The following PKP4 variants were observed in gnomAD, a reference collection of about 807,000 sequenced individuals.
PKP4 encodes plakophilin 4, also known as plakophilin-4.
In PKP4, 90 loss-of-function variants were observed where a neutral mutation model predicts 145.1. The ratio of observed to expected loss-of-function variants is 0.62; its 90% CI spans 0.52 to 0.74. The LOEUF is 0.74. Among genes scored for constraint, PKP4 ranks in the 30% least tolerant of loss-of-function variants. PKP4 has a pLI of 0.00. For synonymous variants in PKP4, 563 were observed against 577.2 expected (o/e 0.98, Z 0.35); for missense variants, 1,340 against 1,482.7 (o/e 0.90, Z 1.58).
intron 3 of PKP4, among the ~76,000 whole-genome samples, chr2:158,595,386 G>T (rs1271656859): frequency 6.6e-6 from 1 of 152,170 alleles, no homozygotes; most frequent in African/African-American, 2.4e-5. Flanking sequence ...AATCTGACCT[G>T]CCCACAGGTG....
intron 21 of PKP4, chr2:158,679,029 C>G (rs940771879): frequency 4.3e-6 from 1 of 233,024 alleles, no homozygotes; most frequent in African/African-American, 2.2e-5. Context: ...TCACATTGTT[C>G]TCTTTTGTGT....
rs1230372752 is a variant in PKP4 at position 158,631,930 on chromosome 2, G to T, written c.1331G>T (p.Arg444Leu). The T allele has an allele frequency of 5.6e-6, 9 of 1,613,520 alleles. No homozygotes were observed. The highest frequency in any genetic ancestry group is 2.7e-5 in the African/African-American group (2 of 74,988). ...ELQGSQTALY[R>L]TGSVGIGNLQ... ...CAAGGATCGCAGACGGCGTTGTATC[G>T]CACAGGTTCAGGTGGGCATCAACTC... Residue 444 changes from arginine to leucine, a missense_variant, in exon 8 of 22, where the codon CGC becomes CTC. Physicochemically the swap from Arg to Leu is moderately radical, Grantham distance 102 (BLOSUM62 -2). Transcript: ENST00000389759.
intron 2 of PKP4, among the ~76,000 whole-genome samples, chr2:158,571,548 A>G (rs2105767122): frequency 6.6e-6 from 1 of 152,280 alleles, no homozygotes; most frequent in Admixed American, 6.5e-5. Flanking sequence ...GGGTTGTAGG[A>G]AAATGCAGTA....
intron 2 of PKP4, among the ~76,000 whole-genome samples, chr2:158,534,014 G>GT (rs891454446): frequency 9.4e-5 from 14 of 149,668 alleles, no homozygotes; most frequent in East Asian, 3.9e-4. Context: ...TGGTTTTTTT[G>GT]TTTTTTTTTC....
intron 2 of PKP4, chr2:158,548,773 C>A: frequency 3.4e-6 from 1 of 292,870 alleles, no homozygotes; most frequent in Non-Finnish European, 6.5e-6. Context: ...AGAGACTTGG[C>A]CTGGGCTGAG....
Position 158,468,770 on chromosome 2 carries a change from C to CTTTTTT in PKP4, c.-6+11566_-6+11571dup, listed in dbSNP as rs58577988. Among the ~76,000 whole-genome samples, 316 of 109,886 alleles carry CTTTTTT rather than the reference C, an allele frequency of 2.9e-3. 6 individuals carry two copies. Among genetic ancestry groups the CTTTTTT allele is most frequent in the Non-Finnish European group, 4.0e-3 (227 of 57,070 alleles). The allele number at this position is 109,886 out of a possible 152,430, so 72.1% of individuals were successfully genotyped here. ...TTAGACATTTTCTTTTCTTCTTCTT[C>CTTTTTT]TTTTTTTTTTTTTTTTTTTGAGACA... is the stretch of plus-strand genomic sequence containing the variant. On this transcript the variant is annotated intron_variant, in intron 1 of 21. Coordinates refer to ENST00000389759, the MANE Select transcript of PKP4 (RefSeq NM_003628.6).
rs770946081 is a variant in PKP4 at position 158,631,803 on chromosome 2, C to A, written c.1204C>A (p.Arg402Ser). The A allele has an allele frequency of 7.4e-6, 12 of 1,613,986 alleles. 1 individual carries two copies. The Admixed American group carries it at 1.3e-4, about 18-fold the overall frequency. Reference protein sequence around the residue: ...SQHSQLGQDLRSAVSPDLHIT... With the variant: ...SQHSQLGQDLSSAVSPDLHIT... ...GCATAGTCAGCTTGGGCAAGACCTT[C>A]GTTCTGCCGTGTCTCCCGACTTGCA... The change falls in exon 8 of 22, where the codon CGT (arginine) becomes AGT (serine). Residue 402 changes from arginine (R) to serine (S), a missense_variant. Physicochemically the swap from Arg to Ser is moderately radical, Grantham distance 110 (BLOSUM62 -1). Transcript: ENST00000389759.
intron 17 of PKP4, among the ~76,000 whole-genome samples, chr2:158,672,557 T>C (rs1314086459): frequency 1.3e-5 from 2 of 152,170 alleles, no homozygotes; most frequent in Admixed American, 1.3e-4. Context: ...AGGGTGGCTA[T>C]GTGGGGCAAG....
chr2:158,618,445 A>G (rs1267971110), intron 4 of PKP4, among the ~76,000 whole-genome samples: 2 of 152,170 alleles, frequency 1.3e-5, no homozygotes, highest in Non-Finnish European at 2.9e-5. Flanking sequence ...ATTAAAAAAT[A>G]TATGAAACAC....
rs1031834400 is a variant in PKP4, at chr2:158,681,266, C to T, written c.*589C>T. The T allele has an allele frequency of 6.5e-6, 1 of 153,002 alleles. No individual in the cohort carries two copies. The highest frequency in any genetic ancestry group is 6.5e-5 in the Admixed American group (1 of 15,326). The allele number at this position is 153,002 out of a possible 1,614,324, so 9.5% of individuals were successfully genotyped here. On this transcript the variant is annotated 3_prime_UTR_variant, in exon 22 of 22. Transcript: ENST00000389759. ...GAACTGTGAGCAATTAAAAGCAAAC[C>T]GCGACACCCTTTGTCTCCACCACAC...
intron 1 of PKP4, among the ~76,000 whole-genome samples, chr2:158,484,434 G>T (rs1277499129): frequency 6.6e-6 from 1 of 152,216 alleles, no homozygotes; most frequent in Non-Finnish European, 1.5e-5. Flanking sequence ...AGGCTCTGCT[G>T]TTGCAAGTGT....
At chr2:158,556,049 G>A (rs2046062805) in intron 2 of PKP4, among the ~76,000 whole-genome samples, 1 of 152,158 alleles carries the variant, frequency 6.6e-6, no homozygotes, top group Non-Finnish European at 1.5e-5. Flanking sequence ...ATGAATTAGA[G>A]CCAAGATTCA....
intron 7 of PKP4, among the ~76,000 whole-genome samples, chr2:158,625,937 G>A (rs1454007487): frequency 1.3e-5 from 2 of 152,054 alleles, no homozygotes; most frequent in African/African-American, 2.4e-5. Flanking sequence ...TGCACAAAGC[G>A]CTTATGAATC....
chr2:158,514,509 C>A (rs916956015), intron 1 of PKP4, among the ~76,000 whole-genome samples: 1 of 152,176 alleles, frequency 6.6e-6, no homozygotes, highest in Admixed American at 6.5e-5. Flanking sequence ...TGAGAGATAA[C>A]CATCATTCCT....
At chr2:158,669,579 C>A in intron 16 of PKP4, 141 bp from the exon 17 acceptor site, 1 of 520,452 alleles carries the variant, frequency 1.9e-6, no homozygotes, top group Non-Finnish European at 3.2e-6. Flanking sequence ...TTCTTCTTTG[C>A]CATGGGTTTT....
At chr2:158,658,036 A>G in intron 11 of PKP4, 95 bp from the exon 12 acceptor site, 1 of 758,618 alleles carries the variant, frequency 1.3e-6, no homozygotes, top group Non-Finnish European at 2.2e-6. Flanking sequence ...GGTTTGGAAC[A>G]GACTGACTTC....
intron 9 of PKP4, among the ~76,000 whole-genome samples, chr2:158,638,258 TA>T (rs2053979797): frequency 6.6e-6 from 1 of 152,228 alleles, no homozygotes; most frequent in South Asian, 2.1e-4. Context: ...TGAATATTAA[TA>T]AAACATCTGT....
chr2:158,509,066 AG>A (rs2105520503), intron 1 of PKP4, among the ~76,000 whole-genome samples: 1 of 152,322 alleles, frequency 6.6e-6, no homozygotes, highest in Non-Finnish European at 1.5e-5. Context: ...ATTAATGAAA[AG>A]CAAGTTCCCA....
chr2:158,564,233 A>G (rs111613632), intron 2 of PKP4, among the ~76,000 whole-genome samples: 2 of 152,076 alleles, frequency 1.3e-5, no homozygotes, highest in African/African-American at 2.4e-5. Context: ...TCTGTGTTCA[A>G]ACAAACCTAT....
Sources: gnomAD v4.1 joint callset for allele counts (sites outside exome capture counted in the v4.1 genomes callset) on GRCh38, gnomAD v4.1.1 for gene constraint, MANE v1.5 for transcripts, NCBI Gene and HGNC (gene_info 2026-07-23, HGNC 2026-07-21) for gene names.